Variants in CTIF observed in about 807,000 individuals in gnomAD.
The protein encoded by CTIF is CBP80/20-dependent translation initiation factor.
In CTIF, 21 loss-of-function variants were observed where a neutral mutation model predicts 66.0. That is an observed-to-expected ratio of 0.32 (90% CI 0.23 to 0.46). CTIF has a LOEUF of 0.46. Ranked by LOEUF, CTIF falls within the 20% of genes least tolerant of loss-of-function variation. CTIF has a pLI of 1.00. For missense variants in CTIF, 739 were observed against 812.7 expected, an observed-to-expected ratio of 0.91 and a Z score of 1.10; for synonymous variants, 345 against 326.4, an observed-to-expected ratio of 1.06 and a Z score of -0.62.
chr18:48,696,500 T>G (rs1198100234), intron 6 of CTIF, among the ~76,000 whole-genome samples: 1 of 152,298 alleles, frequency 6.6e-6, no homozygotes, highest in South Asian at 2.1e-4. Context: ...TTGCTCTCTT[T>G]ATGGGTACCG....
chr18:48,837,682 A>G (rs1389666621), intron 10 of CTIF, among the ~76,000 whole-genome samples: 1 of 152,198 alleles, frequency 6.6e-6, no homozygotes, highest in African/African-American at 2.4e-5. Flanking sequence ...AGATCTTACT[A>G]TACAGATTCC....
chr18:48,721,752 C>A (rs1463521233), intron 7 of CTIF, among the ~76,000 whole-genome samples: 1 of 151,668 alleles, frequency 6.6e-6, no homozygotes, highest in Admixed American at 6.6e-5. Flanking sequence ...AACGTGCATC[C>A]CCCCCTCTCT....
At chr18:48,772,525 C>CAA (rs71297070) in intron 9 of CTIF, among the ~76,000 whole-genome samples, 1 of 114,206 alleles carries the variant, frequency 8.8e-6, no homozygotes. Context: ...TACAGCAATG[C>CAA]CTCCCCTCCA....
intron 1 of CTIF, among the ~76,000 whole-genome samples, chr18:48,573,146 G>C (rs957661051): frequency 6.6e-6 from 1 of 152,178 alleles, no homozygotes; most frequent in Admixed American, 6.5e-5. Flanking sequence ...GATCAGGAAG[G>C]CTGCCCTGGA....
intron 10 of CTIF, among the ~76,000 whole-genome samples, chr18:48,857,357 A>G (rs752024069): frequency 2.0e-5 from 3 of 152,134 alleles, no homozygotes; most frequent in Non-Finnish European, 4.4e-5. Flanking sequence ...TCGCACCATC[A>G]CACTGACCTC....
chr18:48,764,708 A>G (rs562787205), intron 9 of CTIF, among the ~76,000 whole-genome samples: 2 of 152,260 alleles, frequency 1.3e-5, no homozygotes, highest in African/African-American at 4.8e-5. Flanking sequence ...TGGGTGGAGT[A>G]TCTGCGGGTC....
intron 5 of CTIF, among the ~76,000 whole-genome samples, chr18:48,666,926 A>C (rs2091446357): frequency 6.6e-6 from 1 of 152,172 alleles, no homozygotes. Flanking sequence ...GTTGTGAGCA[A>C]AGGTGATGCT....
Position 48,860,038 on chromosome 18 carries a change from A to G in CTIF, c.*479A>G, listed in dbSNP as rs1480950122. 2.3e-6 allele frequency: 1 copy of G among 435,292 alleles called. No homozygotes were observed. The highest frequency in any genetic ancestry group is 7.1e-5 in the East Asian group (1 of 14,104). The allele number at this position is 435,292 out of a possible 1,614,324, so 27.0% of individuals were successfully genotyped here. ...CTGTCAGCCGCAGTCGCCAACTGGCAGCAGGCGACGTGTAGCAGATGTCCG... is the reference window on the plus strand; with the variant it reads ...CTGTCAGCCGCAGTCGCCAACTGGCGGCAGGCGACGTGTAGCAGATGTCCG... On this transcript the variant is annotated 3_prime_UTR_variant, in exon 12 of 12. Coordinates refer to ENST00000256413, the MANE Select transcript of CTIF (RefSeq NM_014772.3).
intron 9 of CTIF, among the ~76,000 whole-genome samples, chr18:48,785,461 C>T (rs72913724): frequency 0.1 from 15,663 of 152,266 alleles, 1,060 homozygotes; most frequent in African/African-American, 0.19. Context: ...GGAGCATTTC[C>T]ACCCCTGCAG....
In CTIF at chr18:48,725,175, G is replaced by A. The variant is rs183525061; in HGVS notation, c.584+13480G>A. On this transcript the variant is annotated intron_variant, in intron 7 of 11. Transcript: ENST00000256413. ...AGATGGCTCGGCCTGGTCACCCTGA[G>A]CAGGAAGCTTGCTGCCTTTGAGCTG... Among the ~76,000 whole-genome samples, 715 of 152,318 alleles carry A rather than the reference G, an allele frequency of 4.7e-3. 1 individual carries two copies. The highest frequency in any genetic ancestry group is 0.024 in the Middle Eastern group (7 of 294).
chr18:48,564,288 G>A (rs575425446), intron 1 of CTIF, among the ~76,000 whole-genome samples: 99 of 152,262 alleles, frequency 6.5e-4, no homozygotes, highest in African/African-American at 2.2e-3. Context: ...AAGCAGGACC[G>A]GACCTCTGTG....
At chr18:48,816,857 G>A (rs2068374368) in intron 9 of CTIF, among the ~76,000 whole-genome samples, 1 of 152,210 alleles carries the variant, frequency 6.6e-6, no homozygotes, top group South Asian at 2.1e-4. Context: ...AGACGGTTTA[G>A]CCACAGGGAG....
intron 9 of CTIF, among the ~76,000 whole-genome samples, chr18:48,770,647 G>A (rs1243274387): frequency 6.6e-6 from 1 of 152,242 alleles, no homozygotes; most frequent in African/African-American, 2.4e-5. Flanking sequence ...TCGTGCCCCC[G>A]AATCTCATTT....
rs562587556 is a variant in CTIF at position 48,600,439 on chromosome 18, G to A, written c.-28-19099G>A. ...GAGCAAGCAGATGTGGCTCTGGGCA[G>A]GATTTCCTATGCTGTCCTTGTCACT... On this transcript the variant is annotated intron_variant, in intron 1 of 11. Coordinates refer to ENST00000256413, the MANE Select transcript of CTIF (RefSeq NM_014772.3). 7.2e-5 allele frequency among the ~76,000 whole-genome samples: 11 copies of A among 152,258 alleles called. No individual in the cohort carries two copies. The East Asian group carries it at 1.7e-3, about 24-fold the overall frequency.
At chr18:48,642,238 A>T (rs2042982339) in intron 3 of CTIF, among the ~76,000 whole-genome samples, 1 of 152,170 alleles carries the variant, frequency 6.6e-6, no homozygotes, top group South Asian at 2.1e-4. Flanking sequence ...ACAGAACAAG[A>T]TGACAACATA....
chr18:48,828,889 A>C (rs1460059210), intron 10 of CTIF, among the ~76,000 whole-genome samples: 1 of 152,154 alleles, frequency 6.6e-6, no homozygotes, highest in Non-Finnish European at 1.5e-5. Flanking sequence ...GCAGCCCTGG[A>C]CGGCTTGCCC....
At chr18:48,811,096 T>C (rs1486748389) in intron 9 of CTIF, among the ~76,000 whole-genome samples, 1 of 152,174 alleles carries the variant, frequency 6.6e-6, no homozygotes, top group Non-Finnish European at 1.5e-5. Context: ...TACAGACTTC[T>C]ATCCCCTTCC....
intron 7 of CTIF, among the ~76,000 whole-genome samples, chr18:48,719,790 C>T (rs1330644477): frequency 6.6e-6 from 1 of 152,194 alleles, no homozygotes; most frequent in African/African-American, 2.4e-5. Flanking sequence ...TTTTAAATGG[C>T]TCCTAAACAT....
intron 5 of CTIF, 114 bp downstream of exon 5, chr18:48,664,665 C>T (rs1047226565): frequency 1.9e-5 from 16 of 836,170 alleles, no homozygotes; most frequent in South Asian, 1.1e-4. Context: ...GCTGATGCCC[C>T]GGGATGCTCT....
Sources: allele counts gnomAD v4.1 joint callset (sites outside exome capture counted in the v4.1 genomes callset), GRCh38; gene constraint gnomAD v4.1.1; transcripts MANE v1.5; gene names NCBI Gene and HGNC (gene_info 2026-07-23, HGNC 2026-07-21).